The following CCDC198 variants were observed in gnomAD, a reference collection of about 807,000 sequenced individuals.
The protein encoded by CCDC198 is factor associated with metabolism and energy.
In CCDC198, 18 loss-of-function variants were observed where a neutral mutation model predicts 35.6. The observed-to-expected ratio is 0.51, with a 90% CI of 0.35 to 0.75. The LOEUF (loss-of-function observed/expected upper bound fraction) is 0.75, where lower values mean the gene tolerates loss of function less well. Ranked by LOEUF, CCDC198 falls within the 30% of genes least tolerant of loss-of-function variation. The probability of loss-of-function intolerance (pLI) is 0.01; values close to 1 mark genes in which losing one functional copy is unlikely to be tolerated. For missense variants in CCDC198, 365 were observed against 343.7 expected, an observed-to-expected ratio of 1.06 and a Z score of -0.49; for synonymous variants, 119 against 113.4, an observed-to-expected ratio of 1.05 and a Z score of -0.31.
At chr14:57,480,144 T>G (rs2067134624) in intron 5 of CCDC198, 2 of 385,054 alleles carry the variant, frequency 5.2e-6, no homozygotes, top group Non-Finnish European at 7.1e-6. Flanking sequence ...TTCTAGAAAT[T>G]CTGAATGTGC....
At chr14:57,472,289 C>T (rs975874234) in intron 5 of CCDC198, among the ~76,000 whole-genome samples, 7 of 152,128 alleles carry the variant, frequency 4.6e-5, no homozygotes, top group Admixed American at 6.6e-5. Context: ...ACCCCATCAC[C>T]GTTCCTCCTC....
chr14:57,479,969 A>G (rs1446802827), intron 5 of CCDC198, among the ~76,000 whole-genome samples: 1 of 152,160 alleles, frequency 6.6e-6, no homozygotes, highest in Non-Finnish European at 1.5e-5. Flanking sequence ...CTAAGGCAAT[A>G]CTACTGGGAA....
At position 57,483,110 on chromosome 14, in the gene CCDC198, T is replaced by C. The variant is rs1271683419; in HGVS notation, c.348A>G (p.Gly116=). ...PIDLPRVITS[G]RLLSQREART... ...TGGCTTCTCGCTGGCTCAGGAGTCTTCCTGAAGTAATTACTCGTGGCAAGT... is the reference window on the plus strand; with the variant it reads ...TGGCTTCTCGCTGGCTCAGGAGTCTCCCTGAAGTAATTACTCGTGGCAAGT... Residue 116 remains glycine, a synonymous_variant, in exon 3 of 6, where the codon GGA becomes GGG. Coordinates refer to ENST00000216445, the MANE Select transcript of CCDC198 (RefSeq NM_018168.4). 6.2e-7 allele frequency: 1 copy of C among 1,614,106 alleles called. No individual in the cohort carries two copies.
At chr14:57,482,545 A>G (rs1313654548) in intron 3 of CCDC198, among the ~76,000 whole-genome samples, 3 of 152,302 alleles carry the variant, frequency 2.0e-5, no homozygotes, top group African/African-American at 2.4e-5. Flanking sequence ...TTTCATTTCT[A>G]TGTGAGGGGA....
At chr14:57,479,080 T>C in intron 5 of CCDC198, 1 of 1,217,094 alleles carries the variant, frequency 8.2e-7, no homozygotes, top group Non-Finnish European at 1.1e-6. Context: ...TGGGGCAATG[T>C]AGCGTAGAAG....
intron 5 of CCDC198, chr14:57,479,079 G>A: frequency 5.7e-6 from 7 of 1,218,624 alleles, no homozygotes; most frequent in Non-Finnish European, 5.4e-6. Flanking sequence ...GTGGGGCAAT[G>A]TAGCGTAGAA....
chr14:57,471,375 C>G lies in CCDC198; in HGVS notation c.871G>C (p.Glu291Gln), dbSNP rs201407662. Residue 291 changes from glutamate (E) to glutamine (Q), a missense_variant, in exon 6 of 6, where the codon GAG becomes CAG. Glu to Gln is a conservative substitution (Grantham distance 29). Coordinates refer to ENST00000216445, the MANE Select transcript of CCDC198 (RefSeq NM_018168.4). ...TATTCTTATTCTTGATCAAAAAACT[C>G]ATCGAAAAGTGGGATTCTCTCTGTC... ...TRTERIPLFDEFFDQE is the reference protein window; with the variant it reads ...TRTERIPLFDQFFDQE 1.9e-6 allele frequency: 3 copies of G among 1,612,798 alleles called. No homozygotes were observed. In the South Asian group the frequency reaches 3.3e-5, roughly 18 times the overall value.
At chr14:57,474,982 C>T (rs1264482168) in intron 5 of CCDC198, among the ~76,000 whole-genome samples, 1 of 152,180 alleles carries the variant, frequency 6.6e-6, no homozygotes, top group African/African-American at 2.4e-5. Context: ...ATAAAACAGG[C>T]TGGGCACAGT....
At chr14:57,484,036 C>T (rs148072324) in intron 2 of CCDC198, among the ~76,000 whole-genome samples, 1 of 151,454 alleles carries the variant, frequency 6.6e-6, no homozygotes, top group Admixed American at 6.6e-5. Flanking sequence ...GCAGAAAAAA[C>T]CTGCAGGGCA....
At chr14:57,481,272 T>A (rs947412542) in intron 4 of CCDC198, among the ~76,000 whole-genome samples, 8 of 152,162 alleles carry the variant, frequency 5.3e-5, no homozygotes, top group Non-Finnish European at 8.8e-5. Context: ...AGAAAAATGA[T>A]CTAGCCCCAT....
intron 3 of CCDC198, among the ~76,000 whole-genome samples, 193 bp from the exon 4 acceptor site, chr14:57,481,853 T>G (rs1289971087): frequency 6.6e-6 from 1 of 152,220 alleles, no homozygotes; most frequent in Admixed American, 6.5e-5. Context: ...ATGAAGTGGC[T>G]CTTTGATGTG....
At chr14:57,490,937 G>T (rs760125277) in intron 2 of CCDC198, 52 bp downstream of exon 2, 1 of 1,422,510 alleles carries the variant, frequency 7.0e-7, no homozygotes, top group Non-Finnish European at 9.9e-7. Flanking sequence ...AAAAAGGGAT[G>T]TTACCATTTT....
chr14:57,483,093 C>T lies in CCDC198; in HGVS notation c.365G>A (p.Arg122Gln), dbSNP rs562072722. 67 of 1,614,078 alleles carry T rather than the reference C, an allele frequency of 4.2e-5. No homozygotes were observed. In the Admixed American group the frequency reaches 9.5e-4, roughly 23 times the overall value. Reference sequence around the variant, plus strand: ...TGCTTTGTGCATTGTCCTGGCTTCTCGCTGGCTCAGGAGTCTTCCTGAAGT... The same window carrying T: ...TGCTTTGTGCATTGTCCTGGCTTCTTGCTGGCTCAGGAGTCTTCCTGAAGT... ...VITSGRLLSQ[R>Q]EARTMHKAKQ... Residue 122 changes from arginine to glutamine, a missense_variant, in exon 3 of 6, where the codon CGA becomes CAA. Coordinates refer to ENST00000216445, the MANE Select transcript of CCDC198 (RefSeq NM_018168.4).
intron 5 of CCDC198, among the ~76,000 whole-genome samples, chr14:57,471,959 C>T (rs951984296): frequency 2.0e-5 from 3 of 151,748 alleles, no homozygotes; most frequent in Non-Finnish European, 4.4e-5. Flanking sequence ...GGCAGAGTCA[C>T]CTCCCCCCTA....
chr14:57,472,977 T>G (rs767790338), intron 5 of CCDC198, among the ~76,000 whole-genome samples: 3 of 152,268 alleles, frequency 2.0e-5, no homozygotes, highest in Admixed American at 2.0e-4. Context: ...GCATAGTTTA[T>G]GTAAGCCCTT....
At chr14:57,478,231 A>G (rs1413182831) in intron 5 of CCDC198, among the ~76,000 whole-genome samples, 1 of 151,878 alleles carries the variant, frequency 6.6e-6, no homozygotes, top group Non-Finnish European at 1.5e-5. Context: ...AGGACTCACA[A>G]CCCCCACATT....
chr14:57,483,027 C>A, intron 3 of CCDC198, 38 bp downstream of exon 3: 2 of 1,613,508 alleles, frequency 1.2e-6, no homozygotes, highest in Non-Finnish European at 8.5e-7. Context: ...TCGCCCACCC[C>A]CAGTTCACCT....
At position 57,486,706 on chromosome 14, in the gene CCDC198, A is replaced by C. The variant is rs143201711; in HGVS notation, c.307-3555T>G. On this transcript the variant is annotated intron_variant, in intron 2 of 5. Coordinates refer to ENST00000216445, the MANE Select transcript of CCDC198 (RefSeq NM_018168.4). Reference sequence around the variant, plus strand: ...ATTTTTGAAAAATTGAGTCTGAAGAAGCCAAGAATTTTTAGTTTTATTAAA... The same window carrying C: ...ATTTTTGAAAAATTGAGTCTGAAGACGCCAAGAATTTTTAGTTTTATTAAA... Among the ~76,000 whole-genome samples, 44 of 152,290 alleles carry C rather than the reference A, an allele frequency of 2.9e-4. No individual in the cohort carries two copies. The East Asian group carries it at 6.7e-3, about 23-fold the overall frequency.
At position 57,481,541 on chromosome 14, in the gene CCDC198, C is replaced by T. The variant is rs761401701; in HGVS notation, c.495+18G>A. On this transcript the variant is annotated intron_variant, in intron 4 of 5. Transcript: ENST00000216445. ...TGTGATGAAAATTTGGTAAATATGA[C>T]ACTCTTCTCGTATTTACCTCTTGTC... The T allele has an allele frequency of 1.9e-6, 3 of 1,553,868 alleles. No individual in the cohort carries two copies. Among genetic ancestry groups the T allele is most frequent in the South Asian group, 2.2e-5 (2 of 89,342 alleles).
Sources: allele counts gnomAD v4.1 joint callset (sites outside exome capture counted in the v4.1 genomes callset), GRCh38; gene constraint gnomAD v4.1.1; transcripts MANE v1.5; gene names NCBI Gene and HGNC (gene_info 2026-07-23, HGNC 2026-07-21).